Variants in ADH1A observed in about 807,000 individuals in gnomAD.
The protein encoded by ADH1A is alcohol dehydrogenase 1A (class I), alpha polypeptide.
ADH1A carries 29 observed loss-of-function variants against 35.2 expected under a neutral mutation model. That is an observed-to-expected ratio of 0.82 (90% CI 0.61 to 1.12). The LOEUF is 1.12. Ranked by LOEUF, ADH1A falls within the 50% of genes most tolerant of loss-of-function variation. The probability of loss-of-function intolerance (pLI) is 0.00; values close to 1 mark genes in which losing one functional copy is unlikely to be tolerated. For missense variants in ADH1A, 469 were observed against 464.7 expected, an observed-to-expected ratio of 1.01 and a Z score of -0.09; for synonymous variants, 147 against 164.8, an observed-to-expected ratio of 0.89 and a Z score of 0.83.
rs1460797635 is a variant in ADH1A at position 99,284,813 on chromosome 4, G to A, written c.260-10C>T. The A allele has an allele frequency of 1.2e-6, 2 of 1,610,108 alleles. No individual in the cohort carries two copies. Among genetic ancestry groups the A allele is most frequent in the East Asian group, 2.2e-5 (1 of 44,890 alleles). On this transcript the variant is annotated splice_polypyrimidine_tract_variant and intron_variant, in intron 3 of 8. Coordinates refer to ENST00000209668, the MANE Select transcript of ADH1A (RefSeq NM_000667.4). Reference sequence around the variant, plus strand: ...GGGATGACTTTATCACCTGGAGAGGGATAAAACAAATTCTTTTACAATTTC... The same window carrying A: ...GGGATGACTTTATCACCTGGAGAGGAATAAAACAAATTCTTTTACAATTTC...
At chr4:99,287,455 A>G in intron 2 of ADH1A, 109 bp downstream of exon 2, 1 of 1,059,090 alleles carries the variant, frequency 9.4e-7, no homozygotes, top group Non-Finnish European at 1.4e-6. Flanking sequence ...TTTCCTTGAC[A>G]ACAAGTATAT....
At chr4:99,277,228 CAA>C (rs1732890630) in intron 8 of ADH1A, among the ~76,000 whole-genome samples, 1 of 151,848 alleles carries the variant, frequency 6.6e-6, no homozygotes, top group Admixed American at 6.6e-5. Flanking sequence ...GATAATTTAA[CAA>C]AGTTAAAACC....
chr4:99,284,206 TCAA>T (rs1560518128), intron 5 of ADH1A, among the ~76,000 whole-genome samples, 190 bp downstream of exon 5: 2 of 152,166 alleles, frequency 1.3e-5, no homozygotes, highest in African/African-American at 4.8e-5. Flanking sequence ...TTCTAAACTC[TCAA>T]CAACTTTTTA....
rs1269862087 is a variant in ADH1A, at chr4:99,287,567, A to G, written c.117T>C (p.Ile39=). The change falls in exon 2 of 9, where the codon ATT becomes ATC. Residue 39 remains isoleucine, a synonymous_variant. Coordinates refer to ENST00000209668, the MANE Select transcript of ADH1A (RefSeq NM_000667.4). ...VAPPKAHEVR[I]KMVAVGICGT... is the part of the protein sequence containing the mutation. ...CAAATGGAAAAATGTATTTCACCTT[A>G]ATACGAACTTCATGGGCCTTAGGAG... 6.2e-7 allele frequency: 1 copy of G among 1,611,702 alleles called. No individual in the cohort carries two copies. Among genetic ancestry groups the G allele is most frequent in the Admixed American group, 1.7e-5 (1 of 59,812 alleles).
At chr4:99,284,650 C>G (rs772575943) in intron 4 of ADH1A, 32 bp from the exon 5 acceptor site, 2 of 1,613,688 alleles carry the variant, frequency 1.2e-6, no homozygotes, top group Non-Finnish European at 1.7e-6. Context: ...CACACAAAGG[C>G]ATGAGACAGG....
At chr4:99,280,958 G>A (rs1242577020) in intron 6 of ADH1A, among the ~76,000 whole-genome samples, 1 of 152,184 alleles carries the variant, frequency 6.6e-6, no homozygotes, top group Non-Finnish European at 1.5e-5. Context: ...ATTGCCCCAA[G>A]ATATGTAATG....
intron 8 of ADH1A, 74 bp from the exon 9 acceptor site, chr4:99,276,722 AATGAC>A: frequency 7.2e-7 from 1 of 1,397,240 alleles, no homozygotes; most frequent in South Asian, 1.2e-5. Context: ...GAGCATTTGA[AATGAC>A]TTAGTGAAAA....
In ADH1A at chr4:99,284,406, A is replaced by C. The variant is rs996833577; in HGVS notation, c.560T>G (p.Val187Gly). The C allele has an allele frequency of 6.2e-7, 1 of 1,614,054 alleles. No homozygotes were observed. ...FSTGYGSAVN[V>G]AKVTPGSTCA... Reference sequence around the variant, plus strand: ...ACCCATTGCCATTCTTACCTTGGCAACATTGACTGCAGACCCATAACCAGT... The same window carrying C: ...ACCCATTGCCATTCTTACCTTGGCACCATTGACTGCAGACCCATAACCAGT... The change falls in exon 5 of 9, where the codon GTT (valine) becomes GGT (glycine). Residue 187 changes from valine (V) to glycine (G), a missense_variant. Val to Gly is a moderately radical substitution (Grantham distance 109). Coordinates refer to ENST00000209668, the MANE Select transcript of ADH1A (RefSeq NM_000667.4).
Position 99,284,738 on chromosome 4 carries a change from T to A in ADH1A, c.325A>T (p.Ser109Cys), listed in dbSNP as rs1265341187. 6.2e-7 allele frequency: 1 copy of A among 1,614,180 alleles called. No individual in the cohort carries two copies. The highest frequency in any genetic ancestry group is 8.5e-7 in the Non-Finnish European group (1 of 1,180,018). ...GKCRICKNPE[S>C]NYCLKNDVSN... is the part of the protein sequence containing the mutation. ...TACTCGTTTTTCAAGCAGTAGTTGC[T>A]CTCCGGGTTTTTACAAATTCTGCAT... is the stretch of plus-strand genomic sequence containing the variant. Residue 109 changes from serine (S) to cysteine (C), a missense_variant, in exon 4 of 9, where the codon AGC becomes TGC. Ser to Cys is a moderately radical substitution (Grantham distance 112). Transcript: ENST00000209668.
intron 5 of ADH1A, 127 bp from the exon 6 acceptor site, chr4:99,282,733 C>G: frequency 7.0e-7 from 1 of 1,433,954 alleles, no homozygotes; most frequent in Non-Finnish European, 9.3e-7. Context: ...GCTTCAGTTG[C>G]TTTATTTTTA....
At chr4:99,287,748 A>G (rs1733191949) in intron 1 of ADH1A, 83 bp from the exon 2 acceptor site, 4 of 1,470,622 alleles carry the variant, frequency 2.7e-6, no homozygotes, top group Non-Finnish European at 3.8e-6. Context: ...TTGTACATAC[A>G]ACATCTAATC....
intron 2 of ADH1A, among the ~76,000 whole-genome samples, 191 bp downstream of exon 2, chr4:99,287,373 T>C (rs954965903): frequency 6.6e-6 from 1 of 152,208 alleles, no homozygotes; most frequent in Non-Finnish European, 1.5e-5. Context: ...TACAAACACA[T>C]AAATTCTTTT....
intron 1 of ADH1A, among the ~76,000 whole-genome samples, chr4:99,289,682 G>A (rs1733243416): frequency 6.6e-6 from 1 of 152,106 alleles, no homozygotes; most frequent in Non-Finnish European, 1.5e-5. Context: ...ATGAAATGCT[G>A]ACAACAAACT....
In ADH1A at chr4:99,282,505, C is replaced by T. The variant is rs56191095; in HGVS notation, c.669G>A (p.Val223=). The change falls in exon 6 of 9, where the codon GTG becomes GTA. Residue 223 remains valine (V), a synonymous_variant. Transcript: ENST00000209668. ...TTGCAAATTTGTCCTTGTTGATGTCCACCGCAATGATTCTGGCTGCCCCAG... is the reference window on the plus strand; with the variant it reads ...TTGCAAATTTGTCCTTGTTGATGTCTACCGCAATGATTCTGGCTGCCCCAG... The part of the protein sequence containing the change: ...KAAGAARIIA[V]DINKDKFAKA... 100 of 1,614,040 alleles carry T rather than the reference C, an allele frequency of 6.2e-5. No individual in the cohort carries two copies. Among genetic ancestry groups the T allele is most frequent in the South Asian group, 4.9e-4 (45 of 91,086 alleles).
chr4:99,278,180 G>A (rs1732913104), intron 8 of ADH1A, among the ~76,000 whole-genome samples: 1 of 151,954 alleles, frequency 6.6e-6, no homozygotes, highest in African/African-American at 2.4e-5. Context: ...TTCTGGTTTT[G>A]TTCATCTCTA....
rs1479970682 is a variant in ADH1A, at chr4:99,276,434, C to T, written c.*190G>A. 1.6e-6 allele frequency: 1 copy of T among 636,058 alleles called. No homozygotes were observed. The allele number at this position is 636,058 out of a possible 1,614,324, so 39.4% of individuals were successfully genotyped here. On this transcript the variant is annotated 3_prime_UTR_variant, in exon 9 of 9. Transcript: ENST00000209668. ...GATGTTCAACACTTTATTTAGTTCT[C>T]ATTTGGATTTTAAACATTTGCTTGA...
At chr4:99,281,298 G>T (rs1732994853) in intron 6 of ADH1A, 1 of 152,152 alleles carries the variant, frequency 6.6e-6, no homozygotes, top group African/African-American at 2.4e-5. Flanking sequence ...TTTTTCAGTA[G>T]GATTCTAGAG....
chr4:99,284,870 G>C (rs1204346078), intron 3 of ADH1A, 67 bp from the exon 4 acceptor site: 3 of 1,358,458 alleles, frequency 2.2e-6, no homozygotes, highest in Non-Finnish European at 3.1e-6. Context: ...AAAACATAAA[G>C]CTCACATGTC....
At chr4:99,278,886 A>G (rs967979124) in intron 8 of ADH1A, among the ~76,000 whole-genome samples, 3 of 152,296 alleles carry the variant, frequency 2.0e-5, no homozygotes, top group South Asian at 2.1e-4. Context: ...CTCTTTTATA[A>G]TAACTTTTAT....
Sources: allele counts gnomAD v4.1 joint callset (sites outside exome capture counted in the v4.1 genomes callset), GRCh38; gene constraint gnomAD v4.1.1; transcripts MANE v1.5; gene names NCBI Gene and HGNC (gene_info 2026-07-23, HGNC 2026-07-21).